AMBRA1: variants seen among roughly 807,000 people sequenced by gnomAD.
AMBRA1 encodes the protein activating molecule in BECN1-regulated autophagy protein 1.
In AMBRA1, 47 loss-of-function variants were observed where a neutral mutation model predicts 125.4. That is an observed-to-expected ratio of 0.37 (90% CI 0.30 to 0.48). The LOEUF (loss-of-function observed/expected upper bound fraction) is 0.48, where lower values mean the gene tolerates loss of function less well. Ranked by LOEUF, AMBRA1 falls within the 20% of genes least tolerant of loss-of-function variation. The probability of loss-of-function intolerance (pLI) is 0.99; values close to 1 mark genes in which losing one functional copy is unlikely to be tolerated. For synonymous variants in AMBRA1, 626 were observed against 655.5 expected (o/e 0.95, Z 0.69); for missense variants, 1,331 against 1,693.4 (o/e 0.79, Z 3.76).
In AMBRA1 at chr11:46,444,123, C is replaced by A. The variant is rs1948159545; in HGVS notation, c.2522-525G>T. Among the ~76,000 whole-genome samples, 3 of 152,308 alleles carry A rather than the reference C, an allele frequency of 2.0e-5. No homozygotes were observed. The South Asian group carries it at 6.2e-4, about 32-fold the overall frequency. On this transcript the variant is annotated intron_variant, in intron 11 of 17. Transcript: ENST00000683756. The stretch of plus-strand genomic sequence containing the variant: ...CAGGGAAGAGGCAGCTACTATACAG[C>A]TGATTGGATAGAAACAGACAGTAAA...
chr11:46,487,691 A>T (rs1168673846), intron 11 of AMBRA1, among the ~76,000 whole-genome samples: 1 of 152,186 alleles, frequency 6.6e-6, no homozygotes, highest in Non-Finnish European at 1.5e-5. Context: ...CAAAAAAGGA[A>T]TTTAAAAGAC....
At chr11:46,450,607 TTTTTTTTGTA>T (rs1240997310) in intron 11 of AMBRA1, among the ~76,000 whole-genome samples, 1 of 151,682 alleles carries the variant, frequency 6.6e-6, no homozygotes, top group African/African-American at 2.4e-5. Flanking sequence ...GACCAGCTGA[TTTTTTTTGTA>T]TTTTTTGTAG....
intron 11 of AMBRA1, among the ~76,000 whole-genome samples, chr11:46,488,456 C>CA (rs1950338337): frequency 1.4e-5 from 2 of 143,672 alleles, no homozygotes; most frequent in African/African-American, 2.6e-5. Flanking sequence ...AAAAACAAAA[C>CA]AAAACAAAAA....
chr11:46,569,605 A>G (rs2043682906), intron 1 of AMBRA1, among the ~76,000 whole-genome samples: 1 of 151,984 alleles, frequency 6.6e-6, no homozygotes, highest in South Asian at 2.1e-4. Context: ...ATAGCATTCC[A>G]AAGAGATCTG....
intron 1 of AMBRA1, among the ~76,000 whole-genome samples, chr11:46,550,858 G>A (rs1300147325): frequency 5.3e-5 from 8 of 151,398 alleles, no homozygotes; most frequent in African/African-American, 1.9e-4. Flanking sequence ...AGGCCGAGAC[G>A]GGCGGATCGC....
intron 1 of AMBRA1, among the ~76,000 whole-genome samples, chr11:46,570,216 C>T (rs544295961): frequency 6.9e-6 from 1 of 144,888 alleles, no homozygotes; most frequent in East Asian, 2.1e-4. Flanking sequence ...GAGCAGAGAT[C>T]GCACCATTGA....
At chr11:46,545,177 GTGGTGGGCA>G (rs1952956898) in intron 5 of AMBRA1, among the ~76,000 whole-genome samples, 1 of 120,906 alleles carries the variant, frequency 8.3e-6, no homozygotes, top group Non-Finnish European at 1.7e-5. Context: ...GGGGGGGGTG[GTGGTGGGCA>G]TGGTGGCTCA....
At chr11:46,476,326 G>A (rs139237554) in intron 11 of AMBRA1, among the ~76,000 whole-genome samples, 2 of 152,250 alleles carry the variant, frequency 1.3e-5, no homozygotes, top group African/African-American at 4.8e-5. Context: ...CACAAGTTAG[G>A]TGACTTGTCT....
intron 11 of AMBRA1, among the ~76,000 whole-genome samples, chr11:46,493,106 T>C (rs1950521653): frequency 6.6e-6 from 1 of 152,174 alleles, no homozygotes. Flanking sequence ...CCTAGCCCAT[T>C]TTCTGTTCTG....
At chr11:46,519,378 T>C (rs1951661921) in intron 7 of AMBRA1, among the ~76,000 whole-genome samples, 1 of 150,042 alleles carries the variant, frequency 6.7e-6, no homozygotes, top group South Asian at 2.1e-4. Context: ...GTCTGGGTAC[T>C]AGTCCATATG....
At chr11:46,428,835 G>A in intron 14 of AMBRA1, 1 of 1,611,196 alleles carries the variant, frequency 6.2e-7, no homozygotes, top group African/African-American at 1.3e-5. Flanking sequence ...AGACCTTTAG[G>A]CCGAGGCCTG....
At chr11:46,486,097 T>A (rs1245083625) in intron 11 of AMBRA1, among the ~76,000 whole-genome samples, 7 of 152,238 alleles carry the variant, frequency 4.6e-5, no homozygotes, top group Non-Finnish European at 1.0e-4. Flanking sequence ...GAATGAAATG[T>A]AATTGGGTTA....
intron 1 of AMBRA1, among the ~76,000 whole-genome samples, chr11:46,581,648 T>C (rs181548925): frequency 6.6e-6 from 1 of 150,730 alleles, no homozygotes; most frequent in East Asian, 2.0e-4. Flanking sequence ...CACAAATAAA[T>C]AATTACCCAC....
rs535051158 is a variant in AMBRA1, at chr11:46,423,921, G to A, written c.2977-5869C>T. Among the ~76,000 whole-genome samples the A allele has an allele frequency of 9.2e-5, 14 of 151,842 alleles. No homozygotes were observed. In the South Asian group the frequency reaches 1.9e-3, roughly 20 times the overall value. On this transcript the variant is annotated intron_variant, in intron 14 of 17. Transcript: ENST00000683756. ...TGGGATTACAGGCATGGGCCACCAC[G>A]CCTGGTTAATTTTGTATTTTTAGTA...
intron 4 of AMBRA1, 41 bp from the exon 5 acceptor site, chr11:46,545,817 T>A: frequency 6.3e-7 from 1 of 1,597,792 alleles, no homozygotes; most frequent in East Asian, 2.2e-5. Context: ...GGTTACAAGC[T>A]ACCAGCACAC....
intron 11 of AMBRA1, among the ~76,000 whole-genome samples, chr11:46,454,610 G>T (rs1380740795): frequency 6.6e-6 from 1 of 150,542 alleles, no homozygotes; most frequent in Non-Finnish European, 1.5e-5. Flanking sequence ...AATTCTCCGG[G>T]CGAGGTGGCG....
At chr11:46,477,414 C>T (rs1949860485) in intron 11 of AMBRA1, among the ~76,000 whole-genome samples, 1 of 150,726 alleles carries the variant, frequency 6.6e-6, no homozygotes. Context: ...GCCTCCCAGG[C>T]TCTAATGATC....
chr11:46,468,925 C>T (rs564115289), intron 11 of AMBRA1, among the ~76,000 whole-genome samples: 29 of 152,066 alleles, frequency 1.9e-4, no homozygotes, highest in Non-Finnish European at 3.4e-4. Context: ...AGGTGGATCA[C>T]CTGAAGTCAG....
rs147038545 is a variant in AMBRA1, at chr11:46,441,044, T to C, written c.2632+2444A>G. On this transcript the variant is annotated intron_variant, in intron 12 of 17. Coordinates refer to ENST00000683756, the MANE Select transcript of AMBRA1 (RefSeq NM_001387011.1). ...CAATGCCCTGCCTGATTCACTACTT[T>C]TTGCTAACAATCTGACAGAAGACAG... Among the ~76,000 whole-genome samples, 522 of 152,286 alleles carry C rather than the reference T, an allele frequency of 3.4e-3. 2 individuals carry two copies. The highest frequency in any genetic ancestry group is 0.012 in the African/African-American group (504 of 41,556).
Sources: allele counts gnomAD v4.1 joint callset (sites outside exome capture counted in the v4.1 genomes callset), GRCh38; gene constraint gnomAD v4.1.1; transcripts MANE v1.5; gene names NCBI Gene and HGNC (gene_info 2026-07-23, HGNC 2026-07-21).